Variants in MGAM observed in about 807,000 individuals in gnomAD.
MGAM encodes maltase-glucoamylase, also known as alpha-1,4-glucosidase.
MGAM carries 253 observed loss-of-function variants against 358.8 expected under a neutral mutation model. The ratio of observed to expected loss-of-function variants is 0.71; its 90% CI spans 0.64 to 0.78. The LOEUF (loss-of-function observed/expected upper bound fraction) is 0.78. Among genes scored for constraint, MGAM ranks in the 30% least tolerant of loss-of-function variants. MGAM has a pLI of 0.00. For synonymous variants in MGAM, 1,105 were observed against 1,227.1 expected (o/e 0.90, Z 2.08); for missense variants, 3,080 against 3,432.6 (o/e 0.90, Z 2.57).
chr7:142,101,148 G>A (rs1585116949), intron 68 of MGAM, among the ~76,000 whole-genome samples: 1 of 152,200 alleles, frequency 6.6e-6, no homozygotes, highest in East Asian at 1.9e-4. Context: ...CATGGGGAAA[G>A]TTTATTTGTA....
At chr7:142,032,956 A>G (rs75513775) in intron 14 of MGAM, 47 bp downstream of exon 14, 30,219 of 1,318,424 alleles carry the variant, frequency 0.023, 409 homozygotes, top group Non-Finnish European at 0.027. Context: ...TGTATTTCAT[A>G]TTATAAATTC....
At position 142,034,273 on chromosome 7, in the gene MGAM, G is replaced by A; in HGVS notation, c.1681G>A (p.Gly561Arg). Residue 561 changes from glycine (G) to arginine (R), a missense_variant, in exon 15 of 71, where the codon GGG (glycine) becomes AGG (arginine). Gly to Arg is a moderately radical substitution (Grantham distance 125). This residue lies in a region of MGAM where 1,816 missense variants were observed against 1,840.5 expected (regional missense o/e 0.99). Coordinates refer to ENST00000475668, the MANE Select transcript of MGAM (RefSeq NM_001365693.1). ...TGCTTTTGTTTCAGGAATCCTGGAT[G>A]GGTACCTGTTCTGCAAGACTCTCTG... ...NPPFTPRILDGYLFCKTLCMD... is the reference protein window; with the variant it reads ...NPPFTPRILDRYLFCKTLCMD... 1.9e-6 allele frequency: 3 copies of A among 1,590,904 alleles called. No individual in the cohort carries two copies. The highest frequency in any genetic ancestry group is 2.6e-6 in the Non-Finnish European group (3 of 1,167,788).
chr7:142,036,801 G>T (rs782265000), intron 17 of MGAM, 22 bp from the exon 18 acceptor site: 2 of 1,610,130 alleles, frequency 1.2e-6, no homozygotes, highest in Non-Finnish European at 1.7e-6. Flanking sequence ...AACCACAACT[G>T]CAAACTCCTA....
At chr7:142,008,877 C>A (rs1259997503) in intron 3 of MGAM, among the ~76,000 whole-genome samples, 172 bp downstream of exon 3, 6 of 152,038 alleles carry the variant, frequency 3.9e-5, no homozygotes, top group Non-Finnish European at 5.9e-5. Flanking sequence ...TATGACAGTG[C>A]AGCTTCAGGA....
Position 142,042,043 on chromosome 7 carries a change from AAT to A in MGAM, c.2498+1203_2498+1204del, listed in dbSNP as rs1336308712. 9.1e-4 allele frequency among the ~76,000 whole-genome samples: 39 copies of A among 42,818 alleles called. 1 individual carries two copies. Among genetic ancestry groups the A allele is most frequent in the East Asian group, 1.1e-3 (2 of 1,766 alleles). 28.1% of individuals were successfully genotyped at this position (42,818 alleles called of 152,430 possible). ...TATATATATTATATTATATACATAT[AAT>A]ATATAATATATATACATATAATATA... On this transcript the variant is annotated intron_variant, in intron 21 of 70. Transcript: ENST00000475668.
chr7:142,011,956 C>T (rs1489318710), intron 3 of MGAM, among the ~76,000 whole-genome samples: 1 of 152,106 alleles, frequency 6.6e-6, no homozygotes, highest in Non-Finnish European at 1.5e-5. Flanking sequence ...ATAAAATAGC[C>T]TACATTTAAG....
At chr7:142,083,078 A>G (rs935405833) in intron 52 of MGAM, among the ~76,000 whole-genome samples, 4 of 146,710 alleles carry the variant, frequency 2.7e-5, no homozygotes, top group African/African-American at 9.7e-5. Flanking sequence ...TTTTAAGAGT[A>G]GAACGACAAA....
At chr7:142,025,892 A>G (rs1806920634) in intron 8 of MGAM, among the ~76,000 whole-genome samples, 1 of 152,222 alleles carries the variant, frequency 6.6e-6, no homozygotes, top group Non-Finnish European at 1.5e-5. Context: ...AGACGATTCT[A>G]ATAGAATCTT....
chr7:142,012,959 A>G (rs1805708575), intron 3 of MGAM, among the ~76,000 whole-genome samples: 1 of 152,176 alleles, frequency 6.6e-6, no homozygotes, highest in African/African-American at 2.4e-5. Flanking sequence ...CAGTTCTCTT[A>G]AATACCACAC....
intron 57 of MGAM, among the ~76,000 whole-genome samples, chr7:142,088,148 G>A (rs1814926853): frequency 6.8e-6 from 1 of 146,262 alleles, no homozygotes; most frequent in South Asian, 2.2e-4. Context: ...AACACGTGAT[G>A]CATACTTCTC....
intron 40 of MGAM, among the ~76,000 whole-genome samples, chr7:142,066,048 C>T (rs1341281965): frequency 1.4e-5 from 2 of 143,002 alleles, no homozygotes; most frequent in African/African-American, 4.9e-5. Flanking sequence ...ACTGCAGCCT[C>T]CACCTCTGGG....
intron 21 of MGAM, among the ~76,000 whole-genome samples, chr7:142,046,342 C>G (rs1283725343): frequency 2.6e-5 from 4 of 151,340 alleles, no homozygotes; most frequent in Non-Finnish European, 5.9e-5. Context: ...GACTTATTAC[C>G]TTGTGTGCTT....
Position 142,052,982 on chromosome 7 carries a change from A to G in MGAM, c.3157A>G (p.Lys1053Glu). ...CCATAAGAATGAAATGCTGCAGTTC[A>G]AGGTAAACACAGTACATGTATCAGG... ...TYHKNEMLQF[K>E]IYDPNKNRYE... is the part of the protein sequence containing the mutation. The change falls in exon 26 of 71, where the codon AAG becomes GAG. Residue 1053 changes from lysine to glutamate, a missense_variant and splice_region_variant. Physicochemically the swap from Lys to Glu is moderately conservative, Grantham distance 56 (BLOSUM62 1). This residue lies in a region of MGAM where 1,816 missense variants were observed against 1,840.5 expected (regional missense o/e 0.99). Transcript: ENST00000475668. 1.9e-6 allele frequency: 3 copies of G among 1,613,668 alleles called. No homozygotes were observed. The highest frequency in any genetic ancestry group is 2.5e-6 in the Non-Finnish European group (3 of 1,179,672).
Position 142,044,766 on chromosome 7 carries a change from T to A in MGAM, c.2499-3019T>A, listed in dbSNP as rs1392855789. On this transcript the variant is annotated intron_variant, in intron 21 of 70. Transcript: ENST00000475668. ...CACGTGTAATATATGATATATAATG[T>A]ATATTATATACACGTGTAATATATG... Among the ~76,000 whole-genome samples, 6 of 87,868 alleles carry A rather than the reference T, an allele frequency of 6.8e-5. 1 individual carries two copies. The highest frequency in any genetic ancestry group is 3.0e-4 in the African/African-American group (6 of 20,306). The allele number at this position is 87,868 out of a possible 152,430, so 57.6% of individuals were successfully genotyped here.
intron 24 of MGAM, 69 bp downstream of exon 24, chr7:142,050,933 A>G: frequency 6.2e-7 from 1 of 1,604,092 alleles, no homozygotes; most frequent in Non-Finnish European, 8.5e-7. Context: ...CCTTCTTGCC[A>G]AGTTTGCATG....
chr7:142,034,831 G>A lies in MGAM; in HGVS notation c.1949G>A (p.Gly650Asp). ...GGCGTGCTTGAGTTCAACCTTTTTGGCATCCCAATGGTGAGCTGCTACCTC... is the reference window on the plus strand; with the variant it reads ...GGCGTGCTTGAGTTCAACCTTTTTGACATCCCAATGGTGAGCTGCTACCTC... ...IPGVLEFNLF[G>D]IPMVGPDICG... Residue 650 changes from glycine (G) to aspartate (D), a missense_variant, in exon 16 of 71, where the codon GGC becomes GAC. By Grantham distance (94) the Gly-to-Asp change is moderately conservative. Coordinates refer to ENST00000475668, the MANE Select transcript of MGAM (RefSeq NM_001365693.1). 1 of 1,612,202 alleles carries A rather than the reference G, an allele frequency of 6.2e-7. No individual in the cohort carries two copies. Among genetic ancestry groups the A allele is most frequent in the South Asian group, 1.1e-5 (1 of 90,910 alleles).
chr7:141,998,397 C>A (rs1349554491), intron 1 of MGAM, among the ~76,000 whole-genome samples: 13 of 152,098 alleles, frequency 8.5e-5, no homozygotes, highest in Admixed American at 8.5e-4. Flanking sequence ...ATAATTCTCT[C>A]CCTCCCCTAG....
At chr7:142,068,522 C>T (rs1813043472) in intron 42 of MGAM, 125 bp from the exon 43 acceptor site, 1 of 772,586 alleles carries the variant, frequency 1.3e-6, no homozygotes, top group Admixed American at 2.2e-5. Flanking sequence ...AGTTGTTAAC[C>T]TCTTGGGACA....
chr7:142,055,453 G>A lies in MGAM; in HGVS notation c.3315-105G>A, dbSNP rs560769008. Reference sequence around the variant, plus strand: ...TTCAGTTTTGTTTGGGATATGAACAGCTTCTTGGTAGGAATCAAGTGTTCT... The same window carrying A: ...TTCAGTTTTGTTTGGGATATGAACAACTTCTTGGTAGGAATCAAGTGTTCT... On this transcript the variant is annotated intron_variant, in intron 27 of 70. Coordinates refer to ENST00000475668, the MANE Select transcript of MGAM (RefSeq NM_001365693.1). 184 of 1,401,592 alleles carry A rather than the reference G, an allele frequency of 1.3e-4. 4 individuals carry two copies. In the South Asian group the frequency reaches 2.1e-3, roughly 16 times the overall value. 86.8% of individuals were successfully genotyped at this position (1,401,592 alleles called of 1,614,324 possible).
Sources: allele counts gnomAD v4.1 joint callset (sites outside exome capture counted in the v4.1 genomes callset), GRCh38; gene constraint gnomAD v4.1.1; regional missense constraint gnomAD v4.1.1; transcripts MANE v1.5; gene names NCBI Gene and HGNC (gene_info 2026-07-23, HGNC 2026-07-21).